MARCHF4: variants seen among roughly 807,000 people sequenced by gnomAD.
MARCHF4 encodes the protein E3 ubiquitin-protein ligase MARCHF4.
MARCHF4 carries 14 observed loss-of-function variants against 43.9 expected under a neutral mutation model. That is an observed-to-expected ratio of 0.32 (90% confidence interval 0.21 to 0.50). MARCHF4 has a LOEUF of 0.50. Among genes scored for constraint, MARCHF4 ranks in the 20% least tolerant of loss-of-function variants. The pLI, the probability that MARCHF4 is intolerant of heterozygous loss-of-function variation, is 0.98. For synonymous variants in MARCHF4, 226 were observed against 213.3 expected, an observed-to-expected ratio of 1.06 and a Z score of -0.52; for missense variants, 468 against 536.7, an observed-to-expected ratio of 0.87 and a Z score of 1.27.
At position 216,301,842 on chromosome 2, in the gene MARCHF4, T is replaced by A. The variant is rs183823665; in HGVS notation, c.517-18113A>T. Among the ~76,000 whole-genome samples the A allele has an allele frequency of 2.6e-5, 4 of 152,340 alleles. 1 individual carries two copies. The highest frequency in any genetic ancestry group is 9.6e-5 in the African/African-American group (4 of 41,574). ...AATTATTAAAATGAGGGCAACAGTA[T>A]TGCTGATCTAATAAGGCTTTTGGAA... is the stretch of plus-strand genomic sequence containing the variant. On this transcript the variant is annotated intron_variant, in intron 1 of 3. Transcript: ENST00000273067.
intron 1 of MARCHF4, among the ~76,000 whole-genome samples, chr2:216,344,236 C>T (rs1692278160): frequency 7.1e-6 from 1 of 140,646 alleles, no homozygotes; most frequent in Non-Finnish European, 1.5e-5. Flanking sequence ...CACAGCAAAA[C>T]AAAAACAGAA....
At chr2:216,278,002 GC>G (rs1400867273) in intron 2 of MARCHF4, 138 bp from the exon 3 acceptor site, 2 of 694,076 alleles carry the variant, frequency 2.9e-6, no homozygotes, top group Non-Finnish European at 4.5e-6. Flanking sequence ...GGTACAATGA[GC>G]ATTTTGCAGG....
intron 1 of MARCHF4, among the ~76,000 whole-genome samples, chr2:216,287,284 A>T (rs950343358): frequency 6.6e-6 from 1 of 152,184 alleles, no homozygotes; most frequent in African/African-American, 2.4e-5. Context: ...TACTAATTGA[A>T]CAGGCCCTAG....
intron 1 of MARCHF4, among the ~76,000 whole-genome samples, chr2:216,354,644 C>T (rs1039348966): frequency 2.6e-5 from 4 of 152,176 alleles, no homozygotes; most frequent in Non-Finnish European, 5.9e-5. Context: ...GCCACTAGAC[C>T]AGGGGAACCA....
chr2:216,352,799 C>A (rs1418855467), intron 1 of MARCHF4, among the ~76,000 whole-genome samples: 1 of 152,176 alleles, frequency 6.6e-6, no homozygotes, highest in Non-Finnish European at 1.5e-5. Flanking sequence ...CCCACAGCAC[C>A]TTGAGCAGTT....
At chr2:216,287,614 A>G (rs1029784381) in intron 1 of MARCHF4, among the ~76,000 whole-genome samples, 14 of 130,090 alleles carry the variant, frequency 1.1e-4, no homozygotes, top group African/African-American at 3.8e-4. Flanking sequence ...CAGGAAGGGG[A>G]ACATCACACA....
intron 1 of MARCHF4, among the ~76,000 whole-genome samples, chr2:216,317,617 T>C (rs563754668): frequency 6.6e-6 from 1 of 152,328 alleles, no homozygotes; most frequent in South Asian, 2.1e-4. Context: ...TTTCGCCATG[T>C]TGGCCACACT....
At chr2:216,281,914 C>G (rs1691135177) in intron 2 of MARCHF4, among the ~76,000 whole-genome samples, 1 of 152,060 alleles carries the variant, frequency 6.6e-6, no homozygotes, top group African/African-American at 2.4e-5. Context: ...ATTTTTTACC[C>G]CCAGGAAAAA....
chr2:216,331,295 A>G (rs1331598940), intron 1 of MARCHF4, among the ~76,000 whole-genome samples: 3 of 152,106 alleles, frequency 2.0e-5, no homozygotes, highest in Non-Finnish European at 2.9e-5. Flanking sequence ...CAATTTAAAA[A>G]AAACAATTAA....
chr2:216,347,685 C>T (rs1050853812), intron 1 of MARCHF4, among the ~76,000 whole-genome samples: 2 of 151,602 alleles, frequency 1.3e-5, no homozygotes, highest in Non-Finnish European at 2.9e-5. Context: ...TGAGATGGTG[C>T]CACTGCACTC....
intron 1 of MARCHF4, among the ~76,000 whole-genome samples, chr2:216,338,420 G>A (rs765469650): frequency 6.6e-6 from 1 of 152,174 alleles, no homozygotes; most frequent in South Asian, 2.1e-4. Flanking sequence ...CCAGCTCCAC[G>A]TAGCAACTGC....
intron 1 of MARCHF4, among the ~76,000 whole-genome samples, chr2:216,291,119 C>T (rs958650751): frequency 2.6e-5 from 4 of 152,010 alleles, no homozygotes; most frequent in African/African-American, 7.3e-5. Context: ...CAGAGGTGAT[C>T]GCTAGAGGAT....
intron 3 of MARCHF4, among the ~76,000 whole-genome samples, chr2:216,267,469 G>A (rs944070234): frequency 6.6e-6 from 1 of 152,190 alleles, no homozygotes; most frequent in African/African-American, 2.4e-5. Flanking sequence ...GGGGCCTGTG[G>A]AGCCCAGAGA....
At chr2:216,296,364 A>C (rs1384567813) in intron 1 of MARCHF4, among the ~76,000 whole-genome samples, 2 of 151,992 alleles carry the variant, frequency 1.3e-5, no homozygotes, top group Non-Finnish European at 2.9e-5. Context: ...CAAAACAAAA[A>C]AATCAGATAC....
intron 1 of MARCHF4, among the ~76,000 whole-genome samples, chr2:216,311,062 C>G (rs1184443507): frequency 2.0e-5 from 3 of 152,184 alleles, no homozygotes; most frequent in Non-Finnish European, 2.9e-5. Flanking sequence ...GCACTGCTAG[C>G]ACCTTATTAT....
rs1177409414 is a variant in MARCHF4, at chr2:216,370,011, C to T, written c.250G>A (p.Ala84Thr). 7 of 1,538,778 alleles carry T rather than the reference C, an allele frequency of 4.5e-6. No individual in the cohort carries two copies. In the South Asian group the frequency reaches 7.1e-5, roughly 16 times the overall value. ...CCCCTCCAGCCTGCCCACCCCCCGGCGCCCAGAGCCGGAAGGGTGTTGTTG... is the reference window on the plus strand; with the variant it reads ...CCCCTCCAGCCTGCCCACCCCCCGGTGCCCAGAGCCGGAAGGGTGTTGTTG... The part of the protein sequence containing the change: ...AANNTLPALG[A>T]GGWAGWRGPR... Residue 84 changes from alanine to threonine, a missense_variant, in exon 1 of 4, where the codon GCC becomes ACC. By Grantham distance (58) the Ala-to-Thr change is moderately conservative. Coordinates refer to ENST00000273067, the MANE Select transcript of MARCHF4 (RefSeq NM_020814.3).
intron 3 of MARCHF4, among the ~76,000 whole-genome samples, chr2:216,263,941 C>T (rs542013764): frequency 1.5e-4 from 23 of 152,208 alleles, no homozygotes; most frequent in African/African-American, 5.3e-4. Flanking sequence ...GGAGCTGGGC[C>T]CTGTGATGGT....
intron 1 of MARCHF4, among the ~76,000 whole-genome samples, chr2:216,287,301 G>C: frequency 6.6e-6 from 1 of 152,130 alleles, no homozygotes; most frequent in Non-Finnish European, 1.5e-5. Flanking sequence ...CTAGGGTATG[G>C]GAAAGGAAAA....
chr2:216,273,302 CAAAT>C (rs1690968323), intron 3 of MARCHF4, among the ~76,000 whole-genome samples: 1 of 152,196 alleles, frequency 6.6e-6, no homozygotes, highest in Admixed American at 6.5e-5. Flanking sequence ...AGGGAATAAA[CAAAT>C]TGTCCTTGGT....
Sources: allele counts gnomAD v4.1 joint callset (sites outside exome capture counted in the v4.1 genomes callset), GRCh38; gene constraint gnomAD v4.1.1; transcripts MANE v1.5; gene names NCBI Gene and HGNC (gene_info 2026-07-23, HGNC 2026-07-21).